The following CAMK2D variants were observed in gnomAD, a reference collection of about 807,000 sequenced individuals.
CAMK2D encodes calcium/calmodulin dependent protein kinase II delta.
Under a neutral mutation model 84.0 loss-of-function variants are expected in CAMK2D, and 37 were observed. The ratio of observed to expected loss-of-function variants is 0.44; its 90% CI spans 0.34 to 0.58. The LOEUF (loss-of-function observed/expected upper bound fraction) is 0.58. CAMK2D is among the 20% of genes least tolerant of loss of function. The pLI is 0.02. For missense variants in CAMK2D, 448 were observed against 652.5 expected, an observed-to-expected ratio of 0.69 and a Z score of 3.41; for synonymous variants, 202 against 212.5, an observed-to-expected ratio of 0.95 and a Z score of 0.43.
At chr4:113,695,693 G>A (rs1216920510) in intron 2 of CAMK2D, among the ~76,000 whole-genome samples, 1 of 152,010 alleles carries the variant, frequency 6.6e-6, no homozygotes, top group Non-Finnish European at 1.5e-5. Flanking sequence ...AGCCAGCACT[G>A]TCTTACCTGG....
intron 3 of CAMK2D, among the ~76,000 whole-genome samples, chr4:113,645,220 G>A (rs2099147012): frequency 6.6e-6 from 1 of 152,050 alleles, no homozygotes; most frequent in Non-Finnish European, 1.5e-5. Context: ...GTTTCACCAT[G>A]TTAGCCAGGA....
In CAMK2D at chr4:113,546,881, T is replaced by C. The variant is rs76313350; in HGVS notation, c.414+763A>G. On this transcript the variant is annotated intron_variant, in intron 6 of 20. Coordinates refer to ENST00000511664, the MANE Select transcript of CAMK2D (RefSeq NM_001321571.2). Reference sequence around the variant, plus strand: ...GAAAAAGTACTCCCCTTGTGAGCTATTTCATTTCTAAATGATCTAAAAATT... The same window carrying C: ...GAAAAAGTACTCCCCTTGTGAGCTACTTCATTTCTAAATGATCTAAAAATT... 8.1e-4 allele frequency among the ~76,000 whole-genome samples: 123 copies of C among 152,320 alleles called. 1 individual carries two copies. The highest frequency in any genetic ancestry group is 2.8e-3 in the African/African-American group (115 of 41,574).
In CAMK2D at chr4:113,513,381, A is replaced by AATT; in HGVS notation, c.904-14_904-12dup. ...TGTCAAGATGGCACCCTGTGAAAAA[A>AATT]ATTAGAACACAAAAGTCAGTGTTGC... On this transcript the variant is annotated splice_polypyrimidine_tract_variant and intron_variant, in intron 11 of 20. Coordinates refer to ENST00000511664, the MANE Select transcript of CAMK2D (RefSeq NM_001321571.2). 1.9e-6 allele frequency: 3 copies of AATT among 1,593,726 alleles called. No individual in the cohort carries two copies. The highest frequency in any genetic ancestry group is 1.7e-6 in the Non-Finnish European group (2 of 1,161,456).
At chr4:113,558,861 A>G (rs1328246262) in intron 4 of CAMK2D, among the ~76,000 whole-genome samples, 1 of 152,114 alleles carries the variant, frequency 6.6e-6, no homozygotes, top group Non-Finnish European at 1.5e-5. Context: ...ATGAACCTGT[A>G]GTCCCAGCTA....
rs143654780 is a variant in CAMK2D, at chr4:113,462,266, A to ATGTGTGTG, written c.1212-2033_1212-2026dup. Among the ~76,000 whole-genome samples the ATGTGTGTG allele has an allele frequency of 7.5e-3, 819 of 109,268 alleles. 4 individuals are homozygous for ATGTGTGTG. Among genetic ancestry groups the ATGTGTGTG allele is most frequent in the East Asian group, 0.012 (40 of 3,332 alleles). The allele number at this position is 109,268 out of a possible 152,430, so 71.7% of individuals were successfully genotyped here. ...TGAAAAAGAGTCAGTATATTTGGAA[A>ATGTGTGTG]TGTGTGTGTGTGTGTGTGTGTGTGT... On this transcript the variant is annotated intron_variant, in intron 17 of 20. Coordinates refer to ENST00000511664, the MANE Select transcript of CAMK2D (RefSeq NM_001321571.2).
chr4:113,661,685 T>A (rs971067173), intron 3 of CAMK2D, 28 bp downstream of exon 3: 20 of 1,091,998 alleles, frequency 1.8e-5, no homozygotes, highest in Non-Finnish European at 2.6e-5. Flanking sequence ...AAATTAACAT[T>A]TAAAAAACAT....
intron 12 of CAMK2D, among the ~76,000 whole-genome samples, chr4:113,511,881 A>AATG (rs1442571770): frequency 6.6e-6 from 1 of 152,186 alleles, no homozygotes; most frequent in African/African-American, 2.4e-5. Context: ...CATTATTTGT[A>AATG]ATGAAATGCA....
rs896031435 is a variant in CAMK2D at position 113,754,613 on chromosome 4, T to C, written c.160+4707A>G. The C allele has an allele frequency of 5.1e-6, 5 of 981,214 alleles. No individual in the cohort carries two copies. The African/African-American group carries it at 8.8e-5, about 17-fold the overall frequency. The allele number at this position is 981,214 out of a possible 1,614,324, so 60.8% of individuals were successfully genotyped here. A position where few individuals can be genotyped will look rare whatever the true frequency, so the allele number is the denominator to read the frequency against. ...TCACAGTATGGCACCTGACAACCACTTTCTTTATTTTCTTCATTTAATGAA... is the reference window on the plus strand; with the variant it reads ...TCACAGTATGGCACCTGACAACCACCTTCTTTATTTTCTTCATTTAATGAA... On this transcript the variant is annotated intron_variant, in intron 2 of 20. Coordinates refer to ENST00000511664, the MANE Select transcript of CAMK2D (RefSeq NM_001321571.2).
intron 2 of CAMK2D, among the ~76,000 whole-genome samples, chr4:113,757,107 C>A (rs569828241): frequency 2.0e-3 from 297 of 152,082 alleles, no homozygotes; most frequent in Non-Finnish European, 3.4e-3. Flanking sequence ...ACCTGATATC[C>A]AGAAAAGGAA....
At chr4:113,580,034 C>T (rs1487160324) in intron 4 of CAMK2D, among the ~76,000 whole-genome samples, 1 of 152,182 alleles carries the variant, frequency 6.6e-6, no homozygotes, top group Non-Finnish European at 1.5e-5. Flanking sequence ...ATGTGGTTTC[C>T]TTTCCTCCTA....
intron 2 of CAMK2D, among the ~76,000 whole-genome samples, chr4:113,688,792 G>C (rs977591135): frequency 2.0e-5 from 3 of 150,958 alleles, no homozygotes; most frequent in African/African-American, 7.3e-5. Context: ...ATTGCTTCTT[G>C]TCTGAAAAGC....
chr4:113,674,967 C>T (rs1446892058), intron 2 of CAMK2D, among the ~76,000 whole-genome samples: 1 of 152,232 alleles, frequency 6.6e-6, no homozygotes, highest in Admixed American at 6.5e-5. Context: ...TGACCAGAAG[C>T]CTCTGAAGAG....
At chr4:113,726,374 C>CTTTTTTTTTTT (rs34696947) in intron 2 of CAMK2D, among the ~76,000 whole-genome samples, 4 of 69,544 alleles carry the variant, frequency 5.8e-5, no homozygotes, top group South Asian at 7.0e-4. Flanking sequence ...TTTGCTTGGG[C>CTTTTTTTTTTT]TTTTTTTTTT....
chr4:113,569,733 G>C (rs2098743389), intron 4 of CAMK2D, among the ~76,000 whole-genome samples: 1 of 152,014 alleles, frequency 6.6e-6, no homozygotes, highest in South Asian at 2.1e-4. Flanking sequence ...ACCCTCTTAA[G>C]AATAATATCT....
At chr4:113,505,401 T>TATAA in intron 13 of CAMK2D, among the ~76,000 whole-genome samples, 1 of 152,230 alleles carries the variant, frequency 6.6e-6, no homozygotes. Context: ...TGTTCACAGT[T>TATAA]ATAAATATAT....
At chr4:113,620,222 T>C (rs2099039817) in intron 3 of CAMK2D, among the ~76,000 whole-genome samples, 1 of 152,080 alleles carries the variant, frequency 6.6e-6, no homozygotes, top group South Asian at 2.1e-4. Context: ...CTGTGGTGTG[T>C]AGAGGCCCAA....
intron 3 of CAMK2D, among the ~76,000 whole-genome samples, chr4:113,621,228 T>A (rs1426082508): frequency 6.6e-6 from 1 of 151,618 alleles, no homozygotes; most frequent in Non-Finnish European, 1.5e-5. Context: ...TATTCACTCA[T>A]TATATAAAGA....
chr4:113,457,140 T>G (rs2097312492), intron 19 of CAMK2D, 195 bp downstream of exon 19: 1 of 1,406,476 alleles, frequency 7.1e-7, no homozygotes, highest in Non-Finnish European at 9.3e-7. Flanking sequence ...CTATAGCAAG[T>G]TTCAACCCAC....
rs56784441 is a variant in CAMK2D, at chr4:113,696,195, G to GACAC, written c.161-34427_161-34424dup. Among the ~76,000 whole-genome samples, 893 of 144,546 alleles carry GACAC rather than the reference G, an allele frequency of 6.2e-3. 5 individuals carry two copies. Among genetic ancestry groups the GACAC allele is most frequent in the East Asian group, 0.043 (205 of 4,796 alleles). The allele number at this position is 144,546 out of a possible 152,430, so 94.8% of individuals were successfully genotyped here. On this transcript the variant is annotated intron_variant, in intron 2 of 20. Transcript: ENST00000511664. ...TGACAGACAGACACACAGACACACA[G>GACAC]ACACACACACACACACACACACACA...
Sources: allele counts gnomAD v4.1 joint callset (sites outside exome capture counted in the v4.1 genomes callset), GRCh38; gene constraint gnomAD v4.1.1; transcripts MANE v1.5; gene names NCBI Gene and HGNC (gene_info 2026-07-23, HGNC 2026-07-21).